The following FCN1 variants were observed in gnomAD, a reference collection of about 807,000 sequenced individuals.
FCN1 encodes ficolin 1.
In FCN1, 42 loss-of-function variants were observed where a neutral mutation model predicts 35.6. That is an observed-to-expected ratio of 1.18 (90% CI 0.92 to 1.53). The LOEUF is 1.53. FCN1 is among the 40% of genes most tolerant of loss of function. FCN1 has a pLI of 0.00. For synonymous variants in FCN1, 179 were observed against 169.8 expected, an observed-to-expected ratio of 1.05 and a Z score of -0.42; for missense variants, 439 against 428.4, an observed-to-expected ratio of 1.02 and a Z score of -0.22.
intron 5 of FCN1, 52 bp downstream of exon 5, chr9:134,913,529 C>T (rs1588152632): frequency 4.0e-6 from 6 of 1,516,540 alleles, no homozygotes; most frequent in Non-Finnish European, 5.4e-6. Context: ...TGCAGCTGGC[C>T]CCAGGGGTGG....
In FCN1 at chr9:134,907,595, C is replaced by T. The variant is rs1830970211; in HGVS notation, c.*2203G>A. On this transcript the variant is annotated 3_prime_UTR_variant, in exon 9 of 9. Transcript: ENST00000371806. ...CACCATGTGGTCCCACCCTCAAATA[C>T]AATCACTTTCTTATTTTTCCTGTAT... The T allele has an allele frequency of 6.6e-6, 1 of 152,196 alleles. No individual in the cohort carries two copies. Among genetic ancestry groups the T allele is most frequent in the South Asian group, 2.1e-4 (1 of 4,832 alleles). The allele number at this position is 152,196 out of a possible 1,614,324, so 9.4% of individuals were successfully genotyped here. A position where few individuals can be genotyped will look rare whatever the true frequency, so the allele number is the denominator to read the frequency against.
chr9:134,914,415 G>C lies in FCN1; in HGVS notation c.277C>G (p.Arg93Gly), dbSNP rs572824923. Residue 93 changes from arginine to glycine, a missense_variant, in exon 4 of 9, where the codon CGA becomes GGA. By Grantham distance (125) the Arg-to-Gly change is moderately radical. Transcript: ENST00000371806. ...TCTCCACGCATCCCCTTCTCTCCTC[G>C]GTCTCCTGGAGGAAGAGGCAGGATA... ...KAGPVGPKGD[R>G]GEKGMRGEKG... is the part of the protein sequence containing the mutation. 177 of 1,613,948 alleles carry C rather than the reference G, an allele frequency of 1.1e-4. 2 individuals are homozygous for C. In the South Asian group the frequency reaches 1.7e-3, roughly 15 times the overall value.
chr9:134,911,783 T>C (rs906377167), intron 7 of FCN1, among the ~76,000 whole-genome samples: 14 of 152,222 alleles, frequency 9.2e-5, no homozygotes, highest in Admixed American at 1.3e-4. Context: ...CCTTTCCCGT[T>C]ATTTCAGAGA....
chr9:134,911,629 G>A (rs1156789318), intron 7 of FCN1, among the ~76,000 whole-genome samples: 1 of 151,810 alleles, frequency 6.6e-6, no homozygotes, highest in African/African-American at 2.4e-5. Context: ...TGGGATTACA[G>A]GTGTGAGCCA....
chr9:134,916,489 G>C (rs757349093), intron 1 of FCN1, 28 bp from the exon 2 acceptor site: 2 of 1,601,280 alleles, frequency 1.2e-6, no homozygotes, highest in Non-Finnish European at 1.7e-6. Flanking sequence ...TGCCCACTCA[G>C]TGCCTGGCCC....
Position 134,911,249 on chromosome 9 carries a change from A to G in FCN1, c.617T>C (p.Val206Ala). The change falls in exon 8 of 9, where the codon GTA becomes GCA. Residue 206 changes from valine (V) to alanine (A), a missense_variant. Transcript: ENST00000371806. Reference sequence around the variant, plus strand: ...GTTGCCCTCAAAGTCCACCAGGTCTACACGGAGCTCGCTGCTTCCTGTTGG... The same window carrying G: ...GTTGCCCTCAAAGTCCACCAGGTCTGCACGGAGCTCGCTGCTTCCTGTTGG... The part of the protein sequence containing the change: ...LTAQGSSELR[V>A]DLVDFEGNHQ... 2 of 1,614,120 alleles carry G rather than the reference A, an allele frequency of 1.2e-6. No individual in the cohort carries two copies. Among genetic ancestry groups the G allele is most frequent in the South Asian group, 2.2e-5 (2 of 91,076 alleles).
At chr9:134,912,701 T>A in intron 6 of FCN1, 86 bp from the exon 7 acceptor site, 1 of 1,574,658 alleles carries the variant, frequency 6.4e-7, no homozygotes, top group South Asian at 1.1e-5. Flanking sequence ...GAGCAGCATT[T>A]GTAGTTGGCA....
At position 134,913,540 on chromosome 9, in the gene FCN1, G is replaced by A. The variant is rs372066467; in HGVS notation, c.340+41C>T. ...CGTGTGCAGCTGGCCCCAGGGGTGGGGGCAAGGCTTGGGTACCGAGGTCAG... is the reference window on the plus strand; with the variant it reads ...CGTGTGCAGCTGGCCCCAGGGGTGGAGGCAAGGCTTGGGTACCGAGGTCAG... On this transcript the variant is annotated intron_variant, in intron 5 of 8. Transcript: ENST00000371806. 6.4e-6 allele frequency: 10 copies of A among 1,570,510 alleles called. No individual in the cohort carries two copies. In the South Asian group the frequency reaches 1.2e-4, roughly 18 times the overall value.
intron 1 of FCN1, 31 bp from the exon 2 acceptor site, chr9:134,916,492 C>T (rs1831094124): frequency 6.3e-7 from 1 of 1,597,974 alleles, no homozygotes; most frequent in East Asian, 2.2e-5. Context: ...CCACTCAGTG[C>T]CTGGCCCAAC....
Position 134,909,811 on chromosome 9 carries a change from A to G in FCN1, c.968T>C (p.Val323Ala), listed in dbSNP as rs535025459. The change falls in exon 9 of 9, where the codon GTG becomes GCG. Residue 323 changes from valine (V) to alanine (A), a missense_variant. Val to Ala is a moderately conservative substitution (Grantham distance 64). Coordinates refer to ENST00000371806, the MANE Select transcript of FCN1 (RefSeq NM_002003.5). ...KYSYKVSEMK[V>A]RPA Reference sequence around the variant, plus strand: ...GTCCTGGCCCGTCTAGGCGGGCCGCACCTTCATCTCTGACACCTTGTAGCT... The same window carrying G: ...GTCCTGGCCCGTCTAGGCGGGCCGCGCCTTCATCTCTGACACCTTGTAGCT... The G allele has an allele frequency of 3.9e-4, 625 of 1,613,508 alleles. 8 individuals are homozygous for G. The South Asian group carries it at 6.0e-3, about 16-fold the overall frequency.
chr9:134,914,472 G>T, intron 3 of FCN1, 52 bp from the exon 4 acceptor site: 1 of 1,518,118 alleles, frequency 6.6e-7, no homozygotes, highest in Non-Finnish European at 8.9e-7. Context: ...TGTGGGCCAC[G>T]GAAAGGCTGG....
Position 134,909,745 on chromosome 9 carries a change from T to C in FCN1, c.*53A>G, listed in dbSNP as rs754067876. The C allele has an allele frequency of 6.2e-7, 1 of 1,605,274 alleles. No individual in the cohort carries two copies. Among genetic ancestry groups the C allele is most frequent in the Non-Finnish European group, 8.5e-7 (1 of 1,179,314 alleles). On this transcript the variant is annotated 3_prime_UTR_variant, in exon 9 of 9. Transcript: ENST00000371806. ...TGGGGTGACTTCCACGACGCAGCGC[T>C]TGTGGGTGTGGCCTCCCCACTAGCA...
intron 2 of FCN1, 96 bp from the exon 3 acceptor site, chr9:134,914,905 CA>C (rs1831072637): frequency 5.5e-6 from 5 of 916,320 alleles, no homozygotes; most frequent in Non-Finnish European, 8.7e-6. Flanking sequence ...GACCCTCCCC[CA>C]CTCTGCCTTG....
Position 134,917,879 on chromosome 9 carries a change from G to T in FCN1, c.-8C>A. The T allele has an allele frequency of 6.2e-7, 1 of 1,600,158 alleles. No individual in the cohort carries two copies. The highest frequency in any genetic ancestry group is 8.6e-7 in the Non-Finnish European group (1 of 1,167,560). On this transcript the variant is annotated 5_prime_UTR_variant, in exon 1 of 9. Coordinates refer to ENST00000371806, the MANE Select transcript of FCN1 (RefSeq NM_002003.5). ...GGCTCCACTCAGCTCCATGCTCTCT[G>T]GCCTTTGACTCTGAAGAGTCCCCCA...
chr9:134,913,240 G>C, intron 5 of FCN1, 97 bp from the exon 6 acceptor site: 3 of 1,505,260 alleles, frequency 2.0e-6, no homozygotes, highest in South Asian at 1.2e-5. Flanking sequence ...AGGGCCACAG[G>C]CTTCTGTGCG....
chr9:134,916,464 G>T lies in FCN1; in HGVS notation c.104-3C>A. ...CTCCAGGCCCACCACCTTCACCTCT[G>T]CAGAGAAACACAGGTGCCCACTCAG... On this transcript the variant is annotated splice_region_variant and splice_polypyrimidine_tract_variant and intron_variant, in intron 1 of 8. Coordinates refer to ENST00000371806, the MANE Select transcript of FCN1 (RefSeq NM_002003.5). 6.2e-7 allele frequency: 1 copy of T among 1,613,754 alleles called. No individual in the cohort carries two copies. Among genetic ancestry groups the T allele is most frequent in the Non-Finnish European group, 8.5e-7 (1 of 1,179,634 alleles).
At chr9:134,910,324 T>C (rs902097429) in intron 8 of FCN1, among the ~76,000 whole-genome samples, 2 of 152,034 alleles carry the variant, frequency 1.3e-5, no homozygotes, top group African/African-American at 4.8e-5. Flanking sequence ...CCTCCTGCTC[T>C]CTCCTGGAAT....
In FCN1 at chr9:134,916,505, T is replaced by C. The variant is rs375296834; in HGVS notation, c.104-44A>G. 9.5e-6 allele frequency: 15 copies of C among 1,577,384 alleles called. No homozygotes were observed. In the Admixed American group the frequency reaches 1.0e-4, roughly 11 times the overall value. ...GCCCACTCAGTGCCTGGCCCAACAG[T>C]GGCTGGGAAGTGAGGTTTTCTGCTC... On this transcript the variant is annotated intron_variant, in intron 1 of 8. Transcript: ENST00000371806.
At chr9:134,915,007 G>T (rs561480780) in intron 2 of FCN1, among the ~76,000 whole-genome samples, 198 bp from the exon 3 acceptor site, 1 of 152,160 alleles carries the variant, frequency 6.6e-6, no homozygotes, top group South Asian at 2.1e-4. Flanking sequence ...TTGAGGGAGG[G>T]GCCTGCACCC....
Sources: gnomAD v4.1 joint callset for allele counts (sites outside exome capture counted in the v4.1 genomes callset) on GRCh38, gnomAD v4.1.1 for gene constraint, MANE v1.5 for transcripts, NCBI Gene and HGNC (gene_info 2026-07-23, HGNC 2026-07-21) for gene names.